ZNF101: variants seen among roughly 807,000 people sequenced by gnomAD.
ZNF101 encodes zinc finger protein 101.
In ZNF101, 34 loss-of-function variants were observed where a neutral mutation model predicts 42.6. The ratio of observed to expected loss-of-function variants is 0.80; its 90% CI spans 0.61 to 1.06. The LOEUF is 1.06. Ranked by LOEUF, ZNF101 falls within the 50% of genes least tolerant of loss-of-function variation. The probability of loss-of-function intolerance (pLI) is 0.00; values close to 1 mark genes in which losing one functional copy is unlikely to be tolerated. For missense variants in ZNF101, 466 were observed against 530.9 expected (o/e 0.88, Z 1.20); for synonymous variants, 158 against 183.9 (o/e 0.86, Z 1.14).
chr19:19,668,421 C>G (rs967199722), upstream of ZNF101, among the ~76,000 whole-genome samples: 1 of 151,946 alleles, frequency 6.6e-6, no homozygotes, highest in Admixed American at 6.6e-5. Flanking sequence ...GAACTGTCTG[C>G]CGGTTCAGCT....
Position 19,680,082 on chromosome 19 carries a change from C to CTA in ZNF101, c.1093_1094insTA (p.Pro365LeufsTer23), listed in dbSNP as rs2062230340. ...TAAAAAAACTCATAGTGGAGAAAAG[C>CTA]CATATGAATGTACAAGGTGTGGTAA... On this transcript the variant is annotated frameshift_variant, in exon 4 of 4. Coordinates refer to ENST00000592502, the MANE Select transcript of ZNF101 (RefSeq NM_033204.4). LOFTEE classifies it high-confidence loss of function. 12 of 1,614,056 alleles carry CTA rather than the reference C, an allele frequency of 7.4e-6. No homozygotes were observed. The highest frequency in any genetic ancestry group is 1.0e-5 in the Non-Finnish European group (12 of 1,180,002).
At chr19:19,672,128 TATG>T (rs962588583) in intron 1 of ZNF101, 2 of 148,234 alleles carry the variant, frequency 1.3e-5, no homozygotes, top group Admixed American at 6.8e-5. Flanking sequence ...TTATAAGTTG[TATG>T]ATTATATATA....
intron 1 of ZNF101, chr19:19,672,110 A>T (rs1027860988): frequency 6.8e-6 from 1 of 148,126 alleles, no homozygotes; most frequent in Non-Finnish European, 1.5e-5. Context: ...GTATGATTAT[A>T]TATATATTTA....
chr19:19,680,307 C>A lies in ZNF101; in HGVS notation c.*7C>A. The A allele has an allele frequency of 6.9e-7, 1 of 1,447,762 alleles. No homozygotes were observed. The highest frequency in any genetic ancestry group is 2.5e-5 in the Admixed American group (1 of 40,552). The allele number at this position is 1,447,762 out of a possible 1,614,324, so 89.7% of individuals were successfully genotyped here. A position where few individuals can be genotyped will look rare whatever the true frequency, so the allele number is the denominator to read the frequency against. On this transcript the variant is annotated 3_prime_UTR_variant, in exon 4 of 4. Coordinates refer to ENST00000592502, the MANE Select transcript of ZNF101 (RefSeq NM_033204.4). ...CCTGAGCCCAGGAGTTTGAGACCAGCCTGGGCAACATAAGAAGGCCCCATA... is the reference window on the plus strand; with the variant it reads ...CCTGAGCCCAGGAGTTTGAGACCAGACTGGGCAACATAAGAAGGCCCCATA...
chr19:19,675,748 C>T (rs2062199086), intron 1 of ZNF101, among the ~76,000 whole-genome samples: 1 of 152,072 alleles, frequency 6.6e-6, no homozygotes, highest in South Asian at 2.1e-4. Context: ...GTGGCTTATG[C>T]GTGTAGTCCC....
chr19:19,681,952 T>A lies in ZNF101; in HGVS notation c.*1652T>A, dbSNP rs1045280356. The A allele has an allele frequency of 2.5e-4, 37 of 150,122 alleles. No homozygotes were observed. Among genetic ancestry groups the A allele is most frequent in the African/African-American group, 8.8e-4 (36 of 40,818 alleles). The allele number at this position is 150,122 out of a possible 1,614,324, so 9.3% of individuals were successfully genotyped here. A position where few individuals can be genotyped will look rare whatever the true frequency, so the allele number is the denominator to read the frequency against. On this transcript the variant is annotated 3_prime_UTR_variant, in exon 4 of 4. Transcript: ENST00000592502. ...TTTTTTTTTTTTTTGAGATGGAGTT[T>A]TGCCCTGTCGCCCAGGCTGGAGTGC...
chr19:19,670,127 G>A (rs1288004954), intron 1 of ZNF101, among the ~76,000 whole-genome samples: 1 of 152,178 alleles, frequency 6.6e-6, no homozygotes, highest in Non-Finnish European at 1.5e-5. Flanking sequence ...TCCTGGCGTG[G>A]TTAATCTTTC....
At chr19:19,678,328 A>T (rs1344404192) in intron 2 of ZNF101, among the ~76,000 whole-genome samples, 1 of 151,764 alleles carries the variant, frequency 6.6e-6, no homozygotes, top group Non-Finnish European at 1.5e-5. Flanking sequence ...AGAAATGCAG[A>T]AGTATTGCTG....
At chr19:19,677,634 AC>A in intron 1 of ZNF101, 1 of 507,398 alleles carries the variant, frequency 2.0e-6, no homozygotes, top group South Asian at 2.3e-5. Context: ...GACTCCCTGG[AC>A]CCACCACAGA....
intron 2 of ZNF101, among the ~76,000 whole-genome samples, chr19:19,678,474 G>A (rs1302639012): frequency 2.0e-5 from 3 of 151,974 alleles, no homozygotes; most frequent in African/African-American, 7.3e-5. Context: ...AATTAGCTGG[G>A]TGTGGTAGTG....
In ZNF101 at chr19:19,677,850, G is replaced by A. The variant is rs1162195415; in HGVS notation, c.4-14G>A. The A allele has an allele frequency of 6.2e-7, 1 of 1,609,366 alleles. No individual in the cohort carries two copies. The highest frequency in any genetic ancestry group is 2.2e-5 in the East Asian group (1 of 44,656). On this transcript the variant is annotated splice_polypyrimidine_tract_variant and intron_variant, in intron 1 of 3. Transcript: ENST00000592502. ...GTCTCACCCCTCCTCCTCCACACCTGTGGGATGTTTCAGGACTCAGTGGCC... is the reference window on the plus strand; with the variant it reads ...GTCTCACCCCTCCTCCTCCACACCTATGGGATGTTTCAGGACTCAGTGGCC...
chr19:19,675,216 C>A (rs2062194917), intron 1 of ZNF101, among the ~76,000 whole-genome samples: 1 of 152,142 alleles, frequency 6.6e-6, no homozygotes, highest in Admixed American at 6.6e-5. Context: ...CGGCTCACTG[C>A]AACCTCCGCC....
chr19:19,675,455 A>G (rs939357284), intron 1 of ZNF101, among the ~76,000 whole-genome samples: 3 of 151,826 alleles, frequency 2.0e-5, no homozygotes, highest in African/African-American at 4.8e-5. Flanking sequence ...TTTTATTACT[A>G]TGCCAATCTC....
chr19:19,678,084 C>T (rs1293820616), intron 2 of ZNF101, 94 bp downstream of exon 2: 13 of 1,542,094 alleles, frequency 8.4e-6, no homozygotes, highest in African/African-American at 4.1e-5. Context: ...AAAGAGAATA[C>T]GTTGGTGAAT....
At position 19,668,859 on chromosome 19, in the gene ZNF101, T is replaced by A; in HGVS notation, c.-105T>A. The A allele has an allele frequency of 7.0e-7, 1 of 1,426,416 alleles. No homozygotes were observed. The highest frequency in any genetic ancestry group is 9.4e-7 in the Non-Finnish European group (1 of 1,065,306). 88.4% of individuals were successfully genotyped at this position (1,426,416 alleles called of 1,614,324 possible). On this transcript the variant is annotated 5_prime_UTR_variant, in exon 1 of 4. Transcript: ENST00000592502. ...CCCCCATTCGGGTCCGGGTTTTAGT[T>A]CCTCGGGGAGCCCCTGGTGCCCCGG...
At chr19:19,678,982 A>G (rs1263955814) in intron 3 of ZNF101, among the ~76,000 whole-genome samples, 196 bp downstream of exon 3, 1 of 152,210 alleles carries the variant, frequency 6.6e-6, no homozygotes, top group Non-Finnish European at 1.5e-5. Context: ...AATCTGTGAC[A>G]TGGATGTCAC....
At chr19:19,671,522 CAG>C (rs2062170114) in intron 1 of ZNF101, among the ~76,000 whole-genome samples, 2 of 144,360 alleles carry the variant, frequency 1.4e-5, no homozygotes, top group Non-Finnish European at 3.0e-5. Context: ...TTTTTTGAGA[CAG>C]AGTCTTGCTC....
intron 3 of ZNF101, 21 bp downstream of exon 3, chr19:19,678,807 G>A (rs749394777): frequency 1.3e-6 from 2 of 1,592,746 alleles, no homozygotes; most frequent in East Asian, 4.5e-5. Flanking sequence ...CTCACAAGAG[G>A]AAGCAGTGTC....
chr19:19,676,215 T>TA (rs2062202239), intron 1 of ZNF101: 1 of 152,154 alleles, frequency 6.6e-6, no homozygotes, highest in Admixed American at 6.6e-5. Flanking sequence ...GAGGTGGCTA[T>TA]AACTTTTAAT....
Sources: allele counts gnomAD v4.1 joint callset (sites outside exome capture counted in the v4.1 genomes callset), GRCh38; gene constraint gnomAD v4.1.1; transcripts MANE v1.5; gene names NCBI Gene and HGNC (gene_info 2026-07-23, HGNC 2026-07-21).